The following PDE4B variants were observed in gnomAD, a reference collection of about 807,000 sequenced individuals.
PDE4B encodes phosphodiesterase 4B.
Under a neutral mutation model 82.2 loss-of-function variants are expected in PDE4B, and 20 were observed. That is an observed-to-expected ratio of 0.24 (90% CI 0.17 to 0.35). PDE4B has a LOEUF of 0.35. PDE4B is among the 10% of genes least tolerant of loss of function. The pLI, the probability that PDE4B is intolerant of heterozygous loss-of-function variation, is 1.00. For missense variants in PDE4B, 655 were observed against 907.2 expected, an observed-to-expected ratio of 0.72 and a Z score of 3.57; for synonymous variants, 320 against 318.9, an observed-to-expected ratio of 1.00 and a Z score of -0.04.
At chr1:66,257,324 C>A in intron 4 of PDE4B, 1 of 428,052 alleles carries the variant, frequency 2.3e-6, no homozygotes, top group African/African-American at 2.0e-5. Flanking sequence ...CTCTGGCAAC[C>A]AAAATCCACA....
intron 3 of PDE4B, among the ~76,000 whole-genome samples, chr1:65,994,980 G>A (rs1340203210): frequency 1.3e-5 from 2 of 151,912 alleles, no homozygotes; most frequent in Admixed American, 6.6e-5. Flanking sequence ...AAATTTTCTG[G>A]CAGCAAAAGG....
At chr1:66,306,495 G>C (rs1273452247) in intron 7 of PDE4B, among the ~76,000 whole-genome samples, 2 of 152,054 alleles carry the variant, frequency 1.3e-5, no homozygotes, top group African/African-American at 2.4e-5. Flanking sequence ...CCTGCCAACT[G>C]GTGGGTTGTA....
chr1:65,827,466 C>G (rs1646031971), intron 1 of PDE4B, among the ~76,000 whole-genome samples: 1 of 152,062 alleles, frequency 6.6e-6, no homozygotes, highest in East Asian at 1.9e-4. Flanking sequence ...AAGGAAAATG[C>G]TATTAAAAAA....
chr1:65,836,906 TAGTCTTCATGGGGCTTAAGCA>T (rs1369073209), intron 1 of PDE4B, among the ~76,000 whole-genome samples: 3 of 152,178 alleles, frequency 2.0e-5, no homozygotes, highest in East Asian at 1.9e-4. Context: ...TCTTTGTTTA[TAGTCTTCATGGGGCTTAAGCA>T]GTAAAACACG....
chr1:66,351,943 T>C (rs960710128), intron 8 of PDE4B, among the ~76,000 whole-genome samples: 3 of 152,184 alleles, frequency 2.0e-5, no homozygotes, highest in Non-Finnish European at 4.4e-5. Flanking sequence ...AACTGGACTC[T>C]ACATATACTA....
At chr1:66,119,527 A>G (rs999974593) in intron 3 of PDE4B, among the ~76,000 whole-genome samples, 6 of 152,158 alleles carry the variant, frequency 3.9e-5, no homozygotes, top group African/African-American at 1.4e-4. Context: ...TCTATAAACC[A>G]AAATACAAAA....
At chr1:66,064,504 C>A (rs564593659) in intron 3 of PDE4B, among the ~76,000 whole-genome samples, 1 of 152,062 alleles carries the variant, frequency 6.6e-6, no homozygotes, top group South Asian at 2.1e-4. Flanking sequence ...GAATAAGTAG[C>A]TATGGTCTGT....
intron 1 of PDE4B, among the ~76,000 whole-genome samples, chr1:65,904,876 A>T (rs184390378): frequency 6.6e-6 from 1 of 152,216 alleles, no homozygotes; most frequent in Non-Finnish European, 1.5e-5. Context: ...TAGGGACTAT[A>T]GAATAGTGCC....
intron 3 of PDE4B, among the ~76,000 whole-genome samples, chr1:66,201,137 C>T (rs1176823567): frequency 1.3e-5 from 2 of 152,106 alleles, no homozygotes; most frequent in Non-Finnish European, 2.9e-5. Context: ...TGTTTATATG[C>T]TGGATTACAT....
intron 7 of PDE4B, among the ~76,000 whole-genome samples, chr1:66,276,429 C>T (rs1261182459): frequency 6.6e-6 from 1 of 152,196 alleles, no homozygotes; most frequent in Non-Finnish European, 1.5e-5. Context: ...TGCCTCCATC[C>T]CACTGTAAAC....
Position 66,212,932 on chromosome 1 carries a change from A to G in PDE4B, c.282-34528A>G, listed in dbSNP as rs1570480847. On this transcript the variant is annotated intron_variant, in intron 3 of 16. Coordinates refer to ENST00000341517, the MANE Select transcript of PDE4B (RefSeq NM_002600.4). ...AGCTGTTCAAGTCACCTGGCCAGTG[A>G]GTCCAAACAGCACACCATAATGTGG... Among the ~76,000 whole-genome samples the G allele has an allele frequency of 2.6e-5, 4 of 152,366 alleles. No homozygotes were observed. In the East Asian group the frequency reaches 7.7e-4, roughly 29 times the overall value.
chr1:65,919,584 G>A (rs1337854893), intron 3 of PDE4B, among the ~76,000 whole-genome samples: 1 of 152,110 alleles, frequency 6.6e-6, no homozygotes, highest in Admixed American at 6.5e-5. Flanking sequence ...TCATGAAAGT[G>A]AAAAATATTT....
chr1:65,907,643 T>C (rs534598193), intron 1 of PDE4B, among the ~76,000 whole-genome samples: 1 of 152,272 alleles, frequency 6.6e-6, no homozygotes. Context: ...GATCCCATGG[T>C]CTAGTTTTGA....
intron 3 of PDE4B, among the ~76,000 whole-genome samples, chr1:66,104,945 T>G (rs1326260665): frequency 1.3e-5 from 2 of 149,416 alleles, no homozygotes; most frequent in Admixed American, 6.7e-5. Flanking sequence ...TTAGTTTAAT[T>G]AGATCCCATT....
At chr1:66,343,082 A>C (rs886875112) in intron 8 of PDE4B, among the ~76,000 whole-genome samples, 3 of 151,988 alleles carry the variant, frequency 2.0e-5, no homozygotes, top group Middle Eastern at 3.4e-3. Flanking sequence ...AAAAAAAAAC[A>C]AAAAAAACTA....
chr1:66,273,810 T>C (rs1655678403), intron 7 of PDE4B, among the ~76,000 whole-genome samples: 1 of 152,182 alleles, frequency 6.6e-6, no homozygotes. Context: ...AGAAAGGAAG[T>C]GAGGCTCATG....
At chr1:66,028,410 T>A (rs1323920931) in intron 3 of PDE4B, among the ~76,000 whole-genome samples, 39 of 152,124 alleles carry the variant, frequency 2.6e-4, no homozygotes, top group Admixed American at 2.6e-3. Context: ...AGGCCTGTGA[T>A]GGGAGGGGCT....
intron 3 of PDE4B, among the ~76,000 whole-genome samples, chr1:65,996,169 A>G (rs1651531013): frequency 6.6e-6 from 1 of 152,142 alleles, no homozygotes; most frequent in Non-Finnish European, 1.5e-5. Flanking sequence ...GCTTCCTTTT[A>G]CCCTTGGGCA....
intron 3 of PDE4B, among the ~76,000 whole-genome samples, chr1:66,028,223 G>A (rs1653561150): frequency 6.6e-6 from 1 of 152,214 alleles, no homozygotes; most frequent in African/African-American, 2.4e-5. Flanking sequence ...TCAACATCAA[G>A]TGGAAGTTGC....
Sources: gnomAD v4.1 joint callset for allele counts (sites outside exome capture counted in the v4.1 genomes callset) on GRCh38, gnomAD v4.1.1 for gene constraint, MANE v1.5 for transcripts, NCBI Gene and HGNC (gene_info 2026-07-23, HGNC 2026-07-21) for gene names.